The following NTPCR variants were observed in gnomAD, a reference collection of about 807,000 sequenced individuals.
NTPCR encodes the protein cancer-related nucleoside-triphosphatase.
In NTPCR, 15 loss-of-function variants were observed where a neutral mutation model predicts 19.5. The observed-to-expected ratio is 0.77, with a 90% CI of 0.51 to 1.18. The LOEUF is 1.18. Among genes scored for constraint, NTPCR ranks in the 50% most tolerant of loss-of-function variants. The probability of loss-of-function intolerance (pLI) is 0.00; values close to 1 mark genes in which losing one functional copy is unlikely to be tolerated. For missense variants in NTPCR, 206 were observed against 240.4 expected (o/e 0.86, Z 0.95); for synonymous variants, 90 against 95.8 (o/e 0.94, Z 0.36).
chr1:232,953,398 A>C (rs542499101), intron 1 of NTPCR, among the ~76,000 whole-genome samples: 16 of 152,290 alleles, frequency 1.1e-4, no homozygotes, highest in African/African-American at 3.6e-4. Flanking sequence ...GAAAAAATTA[A>C]CTGAAAGAAG....
intron 4 of NTPCR, chr1:232,976,579 G>T: frequency 6.8e-7 from 1 of 1,465,046 alleles, no homozygotes; most frequent in Non-Finnish European, 9.0e-7. Flanking sequence ...GCATCAAAAA[G>T]CCTTATAGGC....
chr1:232,972,724 G>T (rs1317302757), intron 4 of NTPCR, among the ~76,000 whole-genome samples: 1 of 152,190 alleles, frequency 6.6e-6, no homozygotes, highest in Admixed American at 6.5e-5. Context: ...ACTGTGCCTG[G>T]CCAAGAACCT....
chr1:232,958,121 A>G (rs1224983666), intron 3 of NTPCR, among the ~76,000 whole-genome samples: 1 of 152,212 alleles, frequency 6.6e-6, no homozygotes, highest in Non-Finnish European at 1.5e-5. Flanking sequence ...GTGTCATTTA[A>G]TCTATTACAG....
rs749440000 is a variant in NTPCR at position 232,956,451 on chromosome 1, C to A, written c.294+8C>A. The A allele has an allele frequency of 1.6e-5, 25 of 1,589,552 alleles. No individual in the cohort carries two copies. The highest frequency in any genetic ancestry group is 2.2e-5 in the Non-Finnish European group (25 of 1,157,954). ...CTACCCGTCTTGAGGAATGTGAGTA[C>A]GTGATTTCTGCTTTTTGAACCCATC... On this transcript the variant is annotated splice_region_variant and intron_variant, in intron 3 of 4. Coordinates refer to ENST00000366628, the MANE Select transcript of NTPCR (RefSeq NM_032324.3).
chr1:232,952,648 C>T (rs1218344671), intron 1 of NTPCR, among the ~76,000 whole-genome samples: 2 of 151,862 alleles, frequency 1.3e-5, no homozygotes, highest in Non-Finnish European at 2.9e-5. Context: ...GTAGCTAGTA[C>T]TACAGGCATG....
chr1:232,969,769 G>A, intron 3 of NTPCR, 140 bp from the exon 4 acceptor site: 1 of 662,694 alleles, frequency 1.5e-6, no homozygotes, highest in East Asian at 2.8e-5. Flanking sequence ...GGTGGTCTGT[G>A]GGATGCTGTC....
intron 3 of NTPCR, chr1:232,965,871 C>T (rs1396206960): frequency 1.3e-5 from 2 of 152,252 alleles, no homozygotes; most frequent in African/African-American, 4.8e-5. Context: ...TTTAGGACAT[C>T]CAGGAAGAGC....
At chr1:232,970,175 C>T in intron 4 of NTPCR, 57 bp downstream of exon 4, 1 of 1,355,890 alleles carries the variant, frequency 7.4e-7, no homozygotes, top group Non-Finnish European at 1.1e-6. Flanking sequence ...TCTAAAATAG[C>T]AGATGGCTCT....
intron 3 of NTPCR, among the ~76,000 whole-genome samples, chr1:232,959,200 T>C (rs2102742033): frequency 6.6e-6 from 1 of 152,114 alleles, no homozygotes; most frequent in East Asian, 1.9e-4. Flanking sequence ...GTTTCCCCCA[T>C]GCTGTTCTCC....
chr1:232,959,895 C>G (rs944102608), intron 3 of NTPCR, among the ~76,000 whole-genome samples: 1 of 151,840 alleles, frequency 6.6e-6, no homozygotes, highest in South Asian at 2.1e-4. Context: ...AGGGCTATGC[C>G]TATTTGCAGG....
chr1:232,976,136 A>C (rs1571970125), intron 4 of NTPCR, among the ~76,000 whole-genome samples: 1 of 152,178 alleles, frequency 6.6e-6, no homozygotes, highest in African/African-American at 2.4e-5. Flanking sequence ...TCAATTTTCA[A>C]ATTAATTTTT....
At chr1:232,965,647 T>TG (rs1668792821) in intron 3 of NTPCR, 1 of 152,476 alleles carries the variant, frequency 6.6e-6, no homozygotes, top group Admixed American at 6.5e-5. Context: ...TAATCTGTCA[T>TG]GGAGTCCCAG....
At chr1:232,969,004 A>T (rs1668900085) in intron 3 of NTPCR, 1 of 152,254 alleles carries the variant, frequency 6.6e-6, no homozygotes, top group Admixed American at 6.5e-5. Flanking sequence ...TTAGCAGCTT[A>T]AAACAACAAA....
At chr1:232,968,371 T>C (rs910204169) in intron 3 of NTPCR, 1 of 152,210 alleles carries the variant, frequency 6.6e-6, no homozygotes, top group Non-Finnish European at 1.5e-5. Context: ...TACTTAAAAG[T>C]CTGAAAAACA....
chr1:232,973,289 A>T (rs1285181809), intron 4 of NTPCR, among the ~76,000 whole-genome samples: 5 of 152,334 alleles, frequency 3.3e-5, no homozygotes, highest in African/African-American at 9.6e-5. Flanking sequence ...CAAATTAGTA[A>T]TATTATCTTG....
intron 4 of NTPCR, 149 bp from the exon 5 acceptor site, chr1:232,978,014 C>G (rs1669189412): frequency 1.6e-6 from 1 of 616,822 alleles, no homozygotes; most frequent in South Asian, 2.0e-5. Flanking sequence ...TTTCTGAGTG[C>G]TCCTGAAGAG....
Position 232,955,587 on chromosome 1 carries a change from C to T in NTPCR, c.65C>T (p.Ala22Val). 1 of 1,606,996 alleles carries T rather than the reference C, an allele frequency of 6.2e-7. No individual in the cohort carries two copies. The highest frequency in any genetic ancestry group is 8.5e-7 in the Non-Finnish European group (1 of 1,177,842). ...GGAAAAACAACATTGATCCATAAAGCCAGTGAGGTTTTAAAATCCTCTGGT... is the reference window on the plus strand; with the variant it reads ...GGAAAAACAACATTGATCCATAAAGTCAGTGAGGTTTTAAAATCCTCTGGT... ...GVGKTTLIHK[A>V]SEVLKSSGVP... The change falls in exon 2 of 5, where the codon GCC becomes GTC. Residue 22 changes from alanine to valine, a missense_variant. Physicochemically the swap from Ala to Val is moderately conservative, Grantham distance 64. Coordinates refer to ENST00000366628, the MANE Select transcript of NTPCR (RefSeq NM_032324.3).
At chr1:232,968,074 C>G (rs1668870376) in intron 3 of NTPCR, 1 of 152,224 alleles carries the variant, frequency 6.6e-6, no homozygotes, top group African/African-American at 2.4e-5. Flanking sequence ...GGTGACATTG[C>G]TCCTTCAGCT....
At chr1:232,968,217 A>G (rs12035795) in intron 3 of NTPCR, 41,370 of 152,112 alleles carry the variant, frequency 0.27, 5,700 homozygotes, top group African/African-American at 0.32. Context: ...AAAATGAAGC[A>G]TGTCAGAAAC....
Sources: allele counts gnomAD v4.1 joint callset (sites outside exome capture counted in the v4.1 genomes callset), GRCh38; gene constraint gnomAD v4.1.1; transcripts MANE v1.5; gene names NCBI Gene and HGNC (gene_info 2026-07-23, HGNC 2026-07-21).